The following WLS variants were observed in gnomAD, a reference collection of about 807,000 sequenced individuals.
The protein encoded by WLS is protein wntless homolog.
In WLS, 23 loss-of-function variants were observed where a neutral mutation model predicts 62.8. The observed-to-expected ratio is 0.37, with a 90% confidence interval of 0.26 to 0.52. The LOEUF (loss-of-function observed/expected upper bound fraction) is 0.52, where lower values mean the gene tolerates loss of function less well. WLS is among the 20% of genes least tolerant of loss of function. WLS has a pLI of 0.92. For synonymous variants in WLS, 246 were observed against 244.1 expected (o/e 1.01, Z -0.07); for missense variants, 615 against 697.3 (o/e 0.88, Z 1.33).
At chr1:68,140,159 A>G (rs1646666328) in intron 10 of WLS, among the ~76,000 whole-genome samples, 1 of 152,344 alleles carries the variant, frequency 6.6e-6, no homozygotes, top group South Asian at 2.1e-4. Context: ...TAATATTTCC[A>G]TTCAACACAT....
At chr1:68,191,420 A>T (rs1005345598) in intron 2 of WLS, among the ~76,000 whole-genome samples, 1 of 152,126 alleles carries the variant, frequency 6.6e-6, no homozygotes, top group African/African-American at 2.4e-5. Context: ...TCAAAAAAAA[A>T]TTTTTAGACA....
intron 2 of WLS, among the ~76,000 whole-genome samples, chr1:68,189,536 T>C (rs573891769): frequency 1.3e-5 from 2 of 152,266 alleles, no homozygotes; most frequent in South Asian, 4.1e-4. Context: ...AGTACCGTGA[T>C]TTTAGGCACT....
intron 11 of WLS, among the ~76,000 whole-genome samples, chr1:68,111,775 C>A (rs1458550445): frequency 1.3e-5 from 2 of 152,206 alleles, no homozygotes; most frequent in African/African-American, 4.8e-5. Flanking sequence ...ACTTTAGGAT[C>A]TTTAGGGCTG....
intron 1 of WLS, among the ~76,000 whole-genome samples, chr1:68,195,971 C>G (rs1368818973): frequency 6.6e-6 from 1 of 151,904 alleles, no homozygotes; most frequent in African/African-American, 2.4e-5. Context: ...TGTATGTAAG[C>G]ATGTTTCTGA....
chr1:68,224,292 G>T (rs924998464), intron 1 of WLS, among the ~76,000 whole-genome samples: 3 of 152,158 alleles, frequency 2.0e-5, no homozygotes, highest in Non-Finnish European at 4.4e-5. Flanking sequence ...TGGGGGATTG[G>T]GTGACACTGG....
intron 11 of WLS, among the ~76,000 whole-genome samples, chr1:68,115,119 G>A (rs374807213): frequency 6.6e-6 from 1 of 152,196 alleles, no homozygotes; most frequent in Non-Finnish European, 1.5e-5. Flanking sequence ...CCCGGTCATG[G>A]GTTGCACCTT....
rs1329134008 is a variant in WLS, at chr1:68,159,073, T to A, written c.504+50A>T. On this transcript the variant is annotated intron_variant, in intron 3 of 11. Coordinates refer to ENST00000262348, the MANE Select transcript of WLS (RefSeq NM_024911.7). ...TGAAAAGTAAGCAAATCTTTCCACA[T>A]ACCTGAGAACCAAATAAAAACTGTC... The A allele has an allele frequency of 2.5e-6, 4 of 1,607,630 alleles. No homozygotes were observed. The South Asian group carries it at 4.4e-5, about 18-fold the overall frequency.
intron 2 of WLS, among the ~76,000 whole-genome samples, chr1:68,187,755 T>C (rs1648047634): frequency 6.6e-6 from 1 of 152,078 alleles, no homozygotes; most frequent in African/African-American, 2.4e-5. Flanking sequence ...CCATTTATAA[T>C]GAATACAAAA....
At chr1:68,202,956 TC>T (rs1649104822) in intron 1 of WLS, 1 of 152,148 alleles carries the variant, frequency 6.6e-6, no homozygotes, top group Non-Finnish European at 1.5e-5. Flanking sequence ...AATTTTAGGG[TC>T]AGAAAATACC....
chr1:68,168,911 T>G (rs1647103716), intron 2 of WLS, among the ~76,000 whole-genome samples: 1 of 152,190 alleles, frequency 6.6e-6, no homozygotes, highest in Admixed American at 6.5e-5. Context: ...TTATACATGG[T>G]TAGGTCTGGC....
intron 11 of WLS, 55 bp from the exon 12 acceptor site, chr1:68,126,390 G>A (rs1169436921): frequency 1.9e-6 from 3 of 1,606,566 alleles, no homozygotes; most frequent in East Asian, 2.2e-5. Context: ...GAAGCAAGCT[G>A]GGGTTCATCT....
At chr1:68,169,096 C>T (rs1367445) in intron 2 of WLS, among the ~76,000 whole-genome samples, 38,799 of 152,122 alleles carry the variant, frequency 0.26, 5,042 homozygotes, top group East Asian at 0.3. Context: ...ATTTGAATTG[C>T]AGAGAATTAT....
intron 1 of WLS, among the ~76,000 whole-genome samples, chr1:68,199,067 A>G (rs563341435): frequency 1.4e-3 from 142 of 103,182 alleles, no homozygotes; most frequent in South Asian, 7.5e-3. Flanking sequence ...TAAGAGTTAG[A>G]GAGAGACAAG....
At chr1:68,180,564 A>G (rs1475450069) in intron 2 of WLS, among the ~76,000 whole-genome samples, 2 of 152,164 alleles carry the variant, frequency 1.3e-5, no homozygotes, top group Non-Finnish European at 2.9e-5. Context: ...CATGTTCCAT[A>G]TAAATGCTAA....
At chr1:68,127,106 G>A (rs749935942) in intron 11 of WLS, 26 of 405,060 alleles carry the variant, frequency 6.4e-5, no homozygotes, top group Non-Finnish European at 1.1e-4. Context: ...GAGGCAGGAG[G>A]ATCACTGGAG....
chr1:68,163,210 A>G, intron 2 of WLS: 2 of 651,054 alleles, frequency 3.1e-6, no homozygotes, highest in Admixed American at 5.4e-5. Flanking sequence ...ATCTGTACAC[A>G]CTATAAATCT....
chr1:68,170,927 A>G (rs965493249), intron 2 of WLS, among the ~76,000 whole-genome samples: 4 of 152,182 alleles, frequency 2.6e-5, no homozygotes, highest in Admixed American at 2.0e-4. Context: ...TATTTACCAA[A>G]TTAATGATTA....
intron 1 of WLS, among the ~76,000 whole-genome samples, chr1:68,226,229 A>G (rs913715255): frequency 2.6e-5 from 4 of 152,102 alleles, no homozygotes; most frequent in African/African-American, 9.7e-5. Context: ...GGTTTTGGGG[A>G]AAGTGGGAGG....
intron 2 of WLS, among the ~76,000 whole-genome samples, chr1:68,173,169 G>T: frequency 6.6e-6 from 1 of 152,180 alleles, no homozygotes; most frequent in Non-Finnish European, 1.5e-5. Flanking sequence ...CCAATCTTTC[G>T]CTAACAAAGC....
Sources: gnomAD v4.1 joint callset for allele counts (sites outside exome capture counted in the v4.1 genomes callset) on GRCh38, gnomAD v4.1.1 for gene constraint, MANE v1.5 for transcripts, NCBI Gene and HGNC (gene_info 2026-07-23, HGNC 2026-07-21) for gene names.